Variants in HAP1 observed in about 807,000 individuals in gnomAD.
HAP1 encodes the protein huntingtin-associated protein 1.
HAP1 carries 59 observed loss-of-function variants against 60.3 expected under a neutral mutation model. The observed-to-expected ratio is 0.98, with a 90% CI of 0.79 to 1.22. HAP1 has a LOEUF of 1.22. Among genes scored for constraint, HAP1 ranks in the 50% most tolerant of loss-of-function variants. The pLI is 0.00. For synonymous variants in HAP1, 346 were observed against 330.6 expected (o/e 1.05, Z -0.50); for missense variants, 825 against 785.3 (o/e 1.05, Z -0.60).
intron 8 of HAP1, 177 bp from the exon 9 acceptor site, chr17:41,727,321 G>C: frequency 1.3e-6 from 1 of 780,964 alleles, no homozygotes; most frequent in South Asian, 1.3e-5. Context: ...TATGGGTAAT[G>C]GGTGGCAGAC....
At chr17:41,729,732 T>C (rs1339038198) in intron 6 of HAP1, among the ~76,000 whole-genome samples, 1 of 149,174 alleles carries the variant, frequency 6.7e-6, no homozygotes, top group Non-Finnish European at 1.5e-5. Context: ...AAAAATTAGC[T>C]GGGCACGGTA....
At position 41,731,617 on chromosome 17, in the gene HAP1, G is replaced by A. The variant is rs111657872; in HGVS notation, c.1002+21C>T. 66 of 1,598,794 alleles carry A rather than the reference G, an allele frequency of 4.1e-5. No homozygotes were observed. The East Asian group carries it at 7.4e-4, about 18-fold the overall frequency. On this transcript the variant is annotated intron_variant, in intron 5 of 10. Coordinates refer to ENST00000347901, the MANE Select transcript of HAP1 (RefSeq NM_177977.3). ...GTCAACACCCCCTGCTAGCAGGGAC[G>A]CCCTCCTCCCCCATTCTCACCTCTT...
Position 41,728,478 on chromosome 17 carries a change from CTTCCA to C in HAP1, c.1070-152_1070-148del, listed in dbSNP as rs1555589643. ...AGGGCTTTGCATTCCTCACTCAGGTCTTCCATTCAAGAAATGTTCATTGACTGATA... is the reference window on the plus strand; with the variant it reads ...AGGGCTTTGCATTCCTCACTCAGGTCTTCAAGAAATGTTCATTGACTGATA... On this transcript the variant is annotated intron_variant, in intron 6 of 10. Transcript: ENST00000347901. 8.8e-6 allele frequency: 6 copies of C among 683,028 alleles called. No individual in the cohort carries two copies. The African/African-American group carries it at 9.0e-5, about 10-fold the overall frequency. 42.3% of individuals were successfully genotyped at this position (683,028 alleles called of 1,614,324 possible).
rs907778754 is a variant in HAP1 at position 41,724,899 on chromosome 17, G to A, written c.1662C>T (p.Asn554=). 5 of 1,613,606 alleles carry A rather than the reference G, an allele frequency of 3.1e-6. No individual in the cohort carries two copies. The highest frequency in any genetic ancestry group is 2.2e-5 in the South Asian group (2 of 91,082). ...TGGCCTCCAGGGCTGATGTCACCAC[G>A]TTCATCCGCGTTGCCTCATCCAGCT... ...ELELDEATRM[N]VVTSALEASG... The change falls in exon 11 of 11, where the codon AAC becomes AAT. Residue 554 remains asparagine (N), a synonymous_variant. Transcript: ENST00000347901.
intron 9 of HAP1, 72 bp from the exon 10 acceptor site, chr17:41,725,969 C>T: frequency 8.7e-7 from 1 of 1,150,566 alleles, no homozygotes; most frequent in Non-Finnish European, 1.3e-6. Flanking sequence ...CTTGGTCAAG[C>T]TGAAGAACCT....
chr17:41,725,733 T>A, intron 10 of HAP1, 126 bp downstream of exon 10: 1 of 774,394 alleles, frequency 1.3e-6, no homozygotes, highest in Non-Finnish European at 2.3e-6. Context: ...AGAACAGTTC[T>A]CAGTTCAGCC....
intron 8 of HAP1, chr17:41,727,548 G>T: frequency 1.4e-6 from 1 of 695,892 alleles, no homozygotes; most frequent in Non-Finnish European, 2.7e-6. Context: ...AGTGTCATGT[G>T]GGGGACCCAG....
At chr17:41,733,690 G>A (rs1912449937) in intron 1 of HAP1, among the ~76,000 whole-genome samples, 1 of 152,038 alleles carries the variant, frequency 6.6e-6, no homozygotes, top group Non-Finnish European at 1.5e-5. Flanking sequence ...GGAGAGACAA[G>A]GGGCAGGAAA....
At chr17:41,725,932 T>G in intron 9 of HAP1, 35 bp from the exon 10 acceptor site, 1 of 1,553,144 alleles carries the variant, frequency 6.4e-7, no homozygotes, top group African/African-American at 1.4e-5. Context: ...TATGAGACAA[T>G]GGAAGCCGAA....
At position 41,734,505 on chromosome 17, in the gene HAP1, G is replaced by A. The variant is rs1443403573; in HGVS notation, c.130C>T (p.Arg44Trp). ...APEPSAQPQA[R>W]GTGQRVGSRA... ...GATCCTACTCTCTGTCCAGTGCCCC[G>A]TGCCTGCGGCTGCGCAGAGGGCTCC... Residue 44 changes from arginine to tryptophan, a missense_variant, in exon 1 of 11, where the codon CGG (arginine) becomes TGG (tryptophan). Coordinates refer to ENST00000347901, the MANE Select transcript of HAP1 (RefSeq NM_177977.3). 1 of 1,612,164 alleles carries A rather than the reference G, an allele frequency of 6.2e-7. No individual in the cohort carries two copies. The highest frequency in any genetic ancestry group is 8.5e-7 in the Non-Finnish European group (1 of 1,179,742).
At position 41,732,062 on chromosome 17, in the gene HAP1, T is replaced by G. The variant is rs1447631262; in HGVS notation, c.771A>C (p.Ser257=). The G allele has an allele frequency of 1.2e-5, 20 of 1,610,212 alleles. No individual in the cohort carries two copies. In the East Asian group the frequency reaches 1.6e-4, roughly 13 times the overall value. ...CATCCTCATCCTCCTCATCAGAATC[T>G]GAGTAGAGCTGGAGGAGCTCATCCC... is the stretch of plus-strand genomic sequence containing the variant. ...NLRDELLQLY[S]DSDEEDEDEE... The change falls in exon 4 of 11, where the codon TCA becomes TCC. Residue 257 remains serine, a synonymous_variant. Coordinates refer to ENST00000347901, the MANE Select transcript of HAP1 (RefSeq NM_177977.3).
chr17:41,718,435 C>A (rs971437560), downstream of HAP1, among the ~76,000 whole-genome samples: 10 of 152,158 alleles, frequency 6.6e-5, no homozygotes, highest in Non-Finnish European at 1.5e-4. Context: ...CTCCTGCCCC[C>A]CTGGGCTGCC....
chr17:41,734,336 G>C lies in HAP1; in HGVS notation c.299C>G (p.Ser100Trp). Reference protein sequence around the residue: ...QGDVRSMPDNSDAPWTRFVFQ... With the variant: ...QGDVRSMPDNWDAPWTRFVFQ... ...TACGAAGCGGGTCCACGGCGCGTCC[G>C]AATTGTCGGGCATAGACCGGACATC... Residue 100 changes from serine to tryptophan, a missense_variant, in exon 1 of 11, where the codon TCG becomes TGG. By Grantham distance (177) the Ser-to-Trp change is radical. Coordinates refer to ENST00000347901, the MANE Select transcript of HAP1 (RefSeq NM_177977.3). 6.2e-7 allele frequency: 1 copy of C among 1,609,068 alleles called. No individual in the cohort carries two copies. Among genetic ancestry groups the C allele is most frequent in the East Asian group, 2.2e-5 (1 of 44,740 alleles).
At chr17:41,726,951 G>A (rs191142949) in intron 9 of HAP1, 102 bp downstream of exon 9, 103 of 646,012 alleles carry the variant, frequency 1.6e-4, no homozygotes, top group Admixed American at 1.4e-3. Flanking sequence ...TGAACGAGGC[G>A]GGTATAGGGA....
chr17:41,728,912 C>T (rs1911900848), intron 6 of HAP1, among the ~76,000 whole-genome samples: 1 of 151,192 alleles, frequency 6.6e-6, no homozygotes, highest in Admixed American at 6.6e-5. Context: ...GAGTTTTAGG[C>T]ACAGTAATGA....
At chr17:41,719,629 G>T (rs6503656), downstream of HAP1, among the ~76,000 whole-genome samples, 1 of 151,542 alleles carries the variant, frequency 6.6e-6, no homozygotes, top group Non-Finnish European at 1.5e-5. Flanking sequence ...GGAGGCAGAG[G>T]TTGCAGTGAG....
Position 41,728,648 on chromosome 17 carries a change from C to A in HAP1, c.1070-317G>T, listed in dbSNP as rs186580451. On this transcript the variant is annotated intron_variant, in intron 6 of 10. Coordinates refer to ENST00000347901, the MANE Select transcript of HAP1 (RefSeq NM_177977.3). ...AAGGGTGTACAGGGCAGGGGCATCA[C>A]AGCTACAGCACCCAACCCGACCTGC... Among the ~76,000 whole-genome samples the A allele has an allele frequency of 9.5e-4, 144 of 152,300 alleles. 2 individuals carry two copies. The highest frequency in any genetic ancestry group is 2.4e-4 in the Non-Finnish European group (16 of 68,030).
chr17:41,728,437 T>TGC, intron 6 of HAP1, 106 bp from the exon 7 acceptor site: 2 of 960,568 alleles, frequency 2.1e-6, no homozygotes, highest in South Asian at 1.6e-5. Flanking sequence ...TGCTGCGCTG[T>TGC]GCCAGTGGGT....
intron 4 of HAP1, 72 bp from the exon 5 acceptor site, chr17:41,731,815 G>T: frequency 8.7e-7 from 1 of 1,147,444 alleles, no homozygotes. Context: ...CCAGGGCTAA[G>T]GGCAGTGTTC....
Sources: allele counts gnomAD v4.1 joint callset (sites outside exome capture counted in the v4.1 genomes callset), GRCh38; gene constraint gnomAD v4.1.1; transcripts MANE v1.5; gene names NCBI Gene and HGNC (gene_info 2026-07-23, HGNC 2026-07-21).